The following EIF3E variants were observed in gnomAD, a reference collection of about 807,000 sequenced individuals.
The protein encoded by EIF3E is eukaryotic translation initiation factor 3 subunit E.
A neutral mutation model predicts 59.3 loss-of-function variants in EIF3E; 25 were observed. The observed-to-expected ratio is 0.42, with a 90% CI of 0.31 to 0.59. The LOEUF (loss-of-function observed/expected upper bound fraction) is 0.59, where lower values mean the gene tolerates loss of function less well. Ranked by LOEUF, EIF3E falls within the 20% of genes least tolerant of loss-of-function variation. The pLI, the probability that EIF3E is intolerant of heterozygous loss-of-function variation, is 0.15. For synonymous variants in EIF3E, 176 were observed against 170.2 expected (o/e 1.03, Z -0.26); for missense variants, 317 against 534.3 (o/e 0.59, Z 4.01).
At chr8:108,202,951 C>T in intron 12 of EIF3E, 32 bp downstream of exon 12, 1 of 1,596,980 alleles carries the variant, frequency 6.3e-7, no homozygotes, top group Non-Finnish European at 8.5e-7. Context: ...GTTGCTAAAC[C>T]CCAGACAGAA....
chr8:108,244,400 G>GAATCT (rs1286422351), intron 1 of EIF3E, among the ~76,000 whole-genome samples: 2 of 152,140 alleles, frequency 1.3e-5, no homozygotes, highest in African/African-American at 4.8e-5. Context: ...AACAGATTAA[G>GAATCT]AATCTTTTTT....
chr8:108,233,093 T>C (rs1396121605), intron 5 of EIF3E, among the ~76,000 whole-genome samples: 1 of 152,116 alleles, frequency 6.6e-6, no homozygotes, highest in Non-Finnish European at 1.5e-5. Context: ...ACTGATGGAA[T>C]TTTTTGATAA....
intron 3 of EIF3E, among the ~76,000 whole-genome samples, chr8:108,238,741 C>T (rs1157098725): frequency 6.6e-6 from 1 of 152,016 alleles, no homozygotes; most frequent in Non-Finnish European, 1.5e-5. Context: ...CTTCACAAAT[C>T]ACAAAGGAAA....
At chr8:108,230,017 A>G (rs958185563) in intron 5 of EIF3E, among the ~76,000 whole-genome samples, 3 of 152,140 alleles carry the variant, frequency 2.0e-5, no homozygotes, top group African/African-American at 7.2e-5. Context: ...GACTCCCTCA[A>G]AACAAAGCAG....
intron 1 of EIF3E, among the ~76,000 whole-genome samples, chr8:108,243,014 T>C (rs978171246): frequency 5.9e-5 from 9 of 152,172 alleles, no homozygotes; most frequent in African/African-American, 1.7e-4. Context: ...TGGGTGCATA[T>C]AGTCAAAGTG....
At chr8:108,209,400 T>C (rs1815164870) in intron 10 of EIF3E, among the ~76,000 whole-genome samples, 1 of 152,124 alleles carries the variant, frequency 6.6e-6, no homozygotes, top group Non-Finnish European at 1.5e-5. Context: ...TGTTCCCCAA[T>C]GCAGAGTGAC....
chr8:108,220,653 T>G (rs757173363), intron 7 of EIF3E, among the ~76,000 whole-genome samples: 11 of 152,218 alleles, frequency 7.2e-5, no homozygotes, highest in Non-Finnish European at 1.5e-4. Context: ...CCAGAGCCAT[T>G]CAGTGTTTGA....
chr8:108,242,444 G>GAT lies in EIF3E; in HGVS notation c.91-533_91-532dup, dbSNP rs1350627949. ...TAACCTATAGTACAGGGAGCAAATA[G>GAT]ATACATATACACAAACTCACAACAA... is the stretch of plus-strand genomic sequence containing the variant. On this transcript the variant is annotated intron_variant, in intron 1 of 12. Coordinates refer to ENST00000220849, the MANE Select transcript of EIF3E (RefSeq NM_001568.3). 7 of 1,288,420 alleles carry GAT rather than the reference G, an allele frequency of 5.4e-6. No homozygotes were observed. The African/African-American group carries it at 9.1e-5, about 17-fold the overall frequency. 79.8% of individuals were successfully genotyped at this position (1,288,420 alleles called of 1,614,324 possible). A position where few individuals can be genotyped will look rare whatever the true frequency, so the allele number is the denominator to read the frequency against.
chr8:108,246,054 GAAC>G (rs1815941786), intron 1 of EIF3E, among the ~76,000 whole-genome samples: 1 of 152,006 alleles, frequency 6.6e-6, no homozygotes, highest in South Asian at 2.1e-4. Context: ...AACAAGAGAT[GAAC>G]AATAACAAAA....
At chr8:108,219,394 A>C (rs1815364077) in intron 7 of EIF3E, among the ~76,000 whole-genome samples, 1 of 152,190 alleles carries the variant, frequency 6.6e-6, no homozygotes, top group South Asian at 2.1e-4. Flanking sequence ...TATGCCAGAT[A>C]CTTCTATAAA....
chr8:108,226,487 C>T (rs1026027765), intron 7 of EIF3E, among the ~76,000 whole-genome samples: 3 of 152,292 alleles, frequency 2.0e-5, no homozygotes, highest in Middle Eastern at 3.4e-3. Context: ...TAAGCCACTG[C>T]GCCCGGCCTA....
chr8:108,216,847 C>A (rs186587025), intron 8 of EIF3E, among the ~76,000 whole-genome samples: 111 of 152,268 alleles, frequency 7.3e-4, no homozygotes, highest in Middle Eastern at 3.4e-3. Context: ...ACAATAACTT[C>A]TTTGTATTTA....
intron 1 of EIF3E, among the ~76,000 whole-genome samples, chr8:108,245,430 C>T (rs1815929621): frequency 6.6e-6 from 1 of 152,326 alleles, no homozygotes; most frequent in Admixed American, 6.5e-5. Context: ...GATTGTGCCA[C>T]TGCACTCCAG....
At chr8:108,209,355 C>G (rs1044877520) in intron 10 of EIF3E, among the ~76,000 whole-genome samples, 1 of 152,006 alleles carries the variant, frequency 6.6e-6, no homozygotes, top group Non-Finnish European at 1.5e-5. Context: ...GGAGAGTTAT[C>G]AGGATTCACT....
At chr8:108,206,028 G>C (rs953159570) in intron 10 of EIF3E, among the ~76,000 whole-genome samples, 2 of 152,138 alleles carry the variant, frequency 1.3e-5, no homozygotes, top group Admixed American at 6.5e-5. Context: ...ACTATACCCA[G>C]TTTATTTCCA....
At position 108,216,424 on chromosome 8, in the gene EIF3E, C is replaced by A; in HGVS notation, c.939G>T (p.Arg313Ser). The A allele has an allele frequency of 6.2e-7, 1 of 1,605,730 alleles. No homozygotes were observed. The change falls in exon 9 of 13, where the codon AGG (arginine) becomes AGT (serine). Residue 313 changes from arginine to serine, a missense_variant. Transcript: ENST00000220849. Reference protein sequence around the residue: ...FDFDGAQKKLRECESVLVNDF... With the variant: ...FDFDGAQKKLSECESVLVNDF... ...AATTCACACTTACTGATTCACATTC[C>A]CTCAGCTTTTTCTGAGCCCCATCAA... is the stretch of plus-strand genomic sequence containing the variant.
At chr8:108,238,173 C>T (rs1434610146) in intron 3 of EIF3E, among the ~76,000 whole-genome samples, 1 of 152,178 alleles carries the variant, frequency 6.6e-6, no homozygotes, top group Non-Finnish European at 1.5e-5. Context: ...TACATGTGAC[C>T]TGAAGATCTA....
chr8:108,232,684 T>G (rs898683843), intron 5 of EIF3E, among the ~76,000 whole-genome samples: 1 of 152,124 alleles, frequency 6.6e-6, no homozygotes, highest in African/African-American at 2.4e-5. Context: ...GTGTAGCAAG[T>G]TTTTTAATCC....
intron 5 of EIF3E, among the ~76,000 whole-genome samples, chr8:108,230,911 CA>C (rs1354403108): frequency 3.3e-5 from 5 of 152,084 alleles, no homozygotes; most frequent in African/African-American, 1.2e-4. Flanking sequence ...AAGCCAAACA[CA>C]AACATACATA....
Sources: allele counts gnomAD v4.1 joint callset (sites outside exome capture counted in the v4.1 genomes callset), GRCh38; gene constraint gnomAD v4.1.1; transcripts MANE v1.5; gene names NCBI Gene and HGNC (gene_info 2026-07-23, HGNC 2026-07-21).